Variants in FRYL observed in about 807,000 individuals in gnomAD.
FRYL encodes the protein protein furry homolog-like.
Under a neutral mutation model 351.2 loss-of-function variants are expected in FRYL, and 150 were observed. The ratio of observed to expected loss-of-function variants is 0.43; its 90% confidence interval spans 0.37 to 0.49. The LOEUF is 0.49. Ranked by LOEUF, FRYL falls within the 20% of genes least tolerant of loss-of-function variation. The pLI is 0.00. For synonymous variants in FRYL, 1,153 were observed against 1,257.1 expected, an observed-to-expected ratio of 0.92 and a Z score of 1.75; for missense variants, 3,036 against 3,619.3, an observed-to-expected ratio of 0.84 and a Z score of 4.13.
chr4:48,509,806 A>C (rs749039119), intron 59 of FRYL, among the ~76,000 whole-genome samples: 15 of 152,220 alleles, frequency 9.9e-5, no homozygotes, highest in Non-Finnish European at 1.5e-4. Context: ...GAATGTTGAC[A>C]GCAGTGACAC....
Position 48,605,750 on chromosome 4 carries a change from A to C in FRYL, c.825T>G (p.Pro275=). ...LAGLFVEILI[P]VAAAVKNEVN... The stretch of plus-strand genomic sequence containing the variant: ...TAAGAAAAATACTTACAGCAGCTAC[A>C]GGGATAAGAATCTCCACAAATAAAC... The change falls in exon 11 of 64, where the codon CCT becomes CCG. Residue 275 remains proline (P), a synonymous_variant. Coordinates refer to ENST00000358350, the MANE Select transcript of FRYL (RefSeq NM_015030.2). The C allele has an allele frequency of 6.3e-7, 1 of 1,593,454 alleles. No individual in the cohort carries two copies. The highest frequency in any genetic ancestry group is 8.6e-7 in the Non-Finnish European group (1 of 1,162,614).
chr4:48,584,076 A>G (rs1741540802), intron 19 of FRYL, among the ~76,000 whole-genome samples: 1 of 152,140 alleles, frequency 6.6e-6, no homozygotes, highest in South Asian at 2.1e-4. Context: ...CATAAAAGAG[A>G]ATGATAAACA....
At chr4:48,591,640 C>T (rs556583693) in intron 16 of FRYL, among the ~76,000 whole-genome samples, 3 of 152,236 alleles carry the variant, frequency 2.0e-5, no homozygotes, top group African/African-American at 7.2e-5. Context: ...GTTTGGCCTC[C>T]CTGACCTGGG....
At chr4:48,697,142 G>A (rs1766273079) in intron 2 of FRYL, among the ~76,000 whole-genome samples, 1 of 151,848 alleles carries the variant, frequency 6.6e-6, no homozygotes, top group African/African-American at 2.4e-5. Flanking sequence ...AGGATAATAA[G>A]GTCAATTCCT....
intron 1 of FRYL, among the ~76,000 whole-genome samples, chr4:48,756,964 C>T (rs1773856999): frequency 6.6e-6 from 1 of 152,136 alleles, no homozygotes; most frequent in Admixed American, 6.5e-5. Flanking sequence ...GAAAAATCAT[C>T]TGATACCTCC....
intron 1 of FRYL, among the ~76,000 whole-genome samples, chr4:48,779,006 C>CA (rs869069983): frequency 3.7e-3 from 2 of 536 alleles, no homozygotes; most frequent in African/African-American, 4.5e-3. Flanking sequence ...CTAACCCCCA[C>CA]CCCCTTTTTT....
At chr4:48,592,835 C>G (rs1216393961) in intron 16 of FRYL, among the ~76,000 whole-genome samples, 2 of 152,082 alleles carry the variant, frequency 1.3e-5, no homozygotes, top group Admixed American at 6.5e-5. Flanking sequence ...AAATGAAAAG[C>G]TGCATTATCT....
rs1356507631 is a variant in FRYL at position 48,759,325 on chromosome 4, A to G, written c.-384+20753T>C. Among the ~76,000 whole-genome samples, 3 of 152,244 alleles carry G rather than the reference A, an allele frequency of 2.0e-5. 1 individual carries two copies. The highest frequency in any genetic ancestry group is 6.5e-5 in the Admixed American group (1 of 15,284). Reference sequence around the variant, plus strand: ...CAAAAAGGAAAACTAGATGTGTTGTAGCAGACAAGGGTTAAGGTTAGCAGG... The same window carrying G: ...CAAAAAGGAAAACTAGATGTGTTGTGGCAGACAAGGGTTAAGGTTAGCAGG... On this transcript the variant is annotated intron_variant, in intron 1 of 63. Coordinates refer to ENST00000358350, the MANE Select transcript of FRYL (RefSeq NM_015030.2).
rs1162126305 is a variant in FRYL at position 48,701,542 on chromosome 4, A to G, written c.-204+8977T>C. 2.0e-5 allele frequency among the ~76,000 whole-genome samples: 3 copies of G among 152,236 alleles called. No individual in the cohort carries two copies. In the East Asian group the frequency reaches 5.8e-4, roughly 29 times the overall value. On this transcript the variant is annotated intron_variant, in intron 2 of 63. Transcript: ENST00000358350. ...CTGTAAGGATTTTTAAAAAGAGAGT[A>G]TATGAAATCATTTTGCAAGTTGTAG...
chr4:48,763,274 C>A (rs1774600833), intron 1 of FRYL, among the ~76,000 whole-genome samples: 1 of 151,970 alleles, frequency 6.6e-6, no homozygotes, highest in African/African-American at 2.4e-5. Flanking sequence ...CCAGGCTGGG[C>A]AGCTTGGCAA....
At chr4:48,638,245 T>G (rs920694283) in intron 3 of FRYL, 9 of 152,114 alleles carry the variant, frequency 5.9e-5, no homozygotes, top group African/African-American at 2.2e-4. Flanking sequence ...TAACAGAAAT[T>G]TTTACATAAC....
intron 2 of FRYL, among the ~76,000 whole-genome samples, chr4:48,709,328 A>T (rs1767759835): frequency 6.6e-6 from 1 of 152,190 alleles, no homozygotes; most frequent in Non-Finnish European, 1.5e-5. Context: ...AGACACGTTA[A>T]GGAAGCATAA....
At chr4:48,684,386 C>A (rs1452833170) in intron 3 of FRYL, among the ~76,000 whole-genome samples, 1 of 152,132 alleles carries the variant, frequency 6.6e-6, no homozygotes, top group Non-Finnish European at 1.5e-5. Flanking sequence ...TGATTGCTAA[C>A]AAACATTGAG....
chr4:48,528,241 T>A lies in FRYL; in HGVS notation c.6999A>T (p.Ser2333=). Reference sequence around the variant, plus strand: ...CATTAGAATTAGAACCAGAAGAAGTTGAGGAAGTACTTCTAGTGACAGCAA... The same window carrying A: ...CATTAGAATTAGAACCAGAAGAAGTAGAGGAAGTACTTCTAGTGACAGCAA... ...KVIAVTRSTS[S]TSSGSNSNAL... Residue 2333 remains serine, a synonymous_variant, in exon 51 of 64, where the codon TCA becomes TCT. Coordinates refer to ENST00000358350, the MANE Select transcript of FRYL (RefSeq NM_015030.2). The A allele has an allele frequency of 2.5e-6, 4 of 1,613,004 alleles. No individual in the cohort carries two copies. Among genetic ancestry groups the A allele is most frequent in the Non-Finnish European group, 3.4e-6 (4 of 1,179,152 alleles).
chr4:48,681,352 A>C (rs1334361265), intron 3 of FRYL, among the ~76,000 whole-genome samples: 1 of 152,194 alleles, frequency 6.6e-6, no homozygotes, highest in African/African-American at 2.4e-5. Context: ...TAGACCATGA[A>C]ACTGCCCTTC....
At chr4:48,624,594 G>A (rs1370148972) in intron 4 of FRYL, among the ~76,000 whole-genome samples, 1 of 152,196 alleles carries the variant, frequency 6.6e-6, no homozygotes, top group Non-Finnish European at 1.5e-5. Context: ...ATCTTGCAAT[G>A]GGTTGACAGA....
rs368901052 is a variant in FRYL, at chr4:48,658,564, C to G, written c.-80-24074G>C. Among the ~76,000 whole-genome samples the G allele has an allele frequency of 1.4e-3, 191 of 134,508 alleles. 3 individuals are homozygous for G. Among genetic ancestry groups the G allele is most frequent in the South Asian group, 0.013 (53 of 4,062 alleles). 88.2% of individuals were successfully genotyped at this position (134,508 alleles called of 152,430 possible). ...CCAGCCTGGACAACATGGCAAAACC[C>G]TCATCTCTACAAAAAAATACAAAAA... On this transcript the variant is annotated intron_variant, in intron 3 of 63. Transcript: ENST00000358350.
chr4:48,575,007 C>G (rs530024083), intron 25 of FRYL, 110 bp downstream of exon 25: 1 of 864,008 alleles, frequency 1.2e-6, no homozygotes, highest in African/African-American at 1.7e-5. Flanking sequence ...GCCTGGTATG[C>G]GGTCAAGCAC....
intron 1 of FRYL, among the ~76,000 whole-genome samples, chr4:48,748,585 T>A (rs1245265515): frequency 6.6e-6 from 1 of 152,148 alleles, no homozygotes; most frequent in Non-Finnish European, 1.5e-5. Flanking sequence ...CCCTCCACCT[T>A]TCCCCAGCTA....
Sources: allele counts gnomAD v4.1 joint callset (sites outside exome capture counted in the v4.1 genomes callset), GRCh38; gene constraint gnomAD v4.1.1; transcripts MANE v1.5; gene names NCBI Gene and HGNC (gene_info 2026-07-23, HGNC 2026-07-21).